DIPK2B: variants seen among roughly 807,000 people sequenced by gnomAD.
The protein encoded by DIPK2B is UPF0672 protein CXorf36.
A neutral mutation model predicts 22.2 loss-of-function variants in DIPK2B; 15 were observed. The ratio of observed to expected loss-of-function variants is 0.68; its 90% CI spans 0.45 to 1.04. DIPK2B has a LOEUF of 1.04. DIPK2B is among the 50% of genes least tolerant of loss of function. The pLI is 0.00. For missense variants in DIPK2B, 345 were observed against 348.3 expected (o/e 0.99, Z 0.08); for synonymous variants, 163 against 153.2 (o/e 1.06, Z -0.47).
At chrX:45,163,771 C>T in intron 2 of DIPK2B, 2 of 762,905 alleles carry the variant, frequency 2.6e-6, no homozygotes, top group South Asian at 1.3e-4. Context: ...CAGACCAGAC[C>T]AAAATTTAGA....
chrX:45,198,341 T>C (rs1326279635), intron 1 of DIPK2B, among the ~76,000 whole-genome samples: 1 of 111,664 alleles, frequency 9.0e-6, no homozygotes, highest in Non-Finnish European at 1.9e-5. Context: ...ATTTATATTG[T>C]AGAGAAAAGG....
In DIPK2B at chrX:45,149,322, G is replaced by C. The variant is rs1479807365; in HGVS notation, c.*2330C>G. The stretch of plus-strand genomic sequence containing the variant: ...GTGGCCAGCTGGGAGGACAGCTGCA[G>C]TCAGGCCAGCAGGAGAGGGACTGTG... On this transcript the variant is annotated 3_prime_UTR_variant, in exon 5 of 5. Coordinates refer to ENST00000398000, the MANE Select transcript of DIPK2B (RefSeq NM_176819.4). The C allele has an allele frequency of 8.9e-6, 1 of 112,693 alleles. No individual in the cohort carries two copies. The highest frequency in any genetic ancestry group is 9.4e-5 in the Admixed American group (1 of 10,614). 9.3% of individuals were successfully genotyped at this position (112,693 alleles called of 1,213,427 possible).
At chrX:45,183,636 T>C (rs891034061) in intron 2 of DIPK2B, among the ~76,000 whole-genome samples, 2 of 111,868 alleles carry the variant, frequency 1.8e-5, no homozygotes, top group African/African-American at 6.5e-5. Context: ...ACAACTTTTT[T>C]TTCTTTGACC....
At position 45,157,895 on chromosome X, in the gene DIPK2B, G is replaced by A. The variant is rs1386402973; in HGVS notation, c.499-7C>T. On this transcript the variant is annotated splice_polypyrimidine_tract_variant and splice_region_variant and intron_variant, in intron 2 of 4. Transcript: ENST00000398000. ...GGAGCGGGCTGGCCAGGCCCTACGC[G>A]CAGGTGGGAGAGAGGCGGGAGAAGA... 7 of 1,128,890 alleles carry A rather than the reference G, an allele frequency of 6.2e-6. No individual in the cohort carries two copies. In the Admixed American group the frequency reaches 8.1e-5, roughly 13 times the overall value. The allele number at this position is 1,128,890 out of a possible 1,213,427, so 93.0% of individuals were successfully genotyped here. A position where few individuals can be genotyped will look rare whatever the true frequency, so the allele number is the denominator to read the frequency against.
At chrX:45,168,589 C>T (rs2047061736) in intron 2 of DIPK2B, among the ~76,000 whole-genome samples, 1 of 112,232 alleles carries the variant, frequency 8.9e-6, no homozygotes, top group South Asian at 3.7e-4. Context: ...CTGGGTTGAG[C>T]CCTGATGGAA....
intron 2 of DIPK2B, among the ~76,000 whole-genome samples, chrX:45,187,468 G>GCGCACACACA (rs1556403888): frequency 1.1e-3 from 107 of 98,488 alleles, no homozygotes; most frequent in Non-Finnish European, 1.9e-3. Flanking sequence ...GCGCGCGCGC[G>GCGCACACACA]CACACACACA....
intron 2 of DIPK2B, among the ~76,000 whole-genome samples, chrX:45,179,685 A>G (rs915213845): frequency 9.0e-6 from 1 of 111,625 alleles, no homozygotes; most frequent in Non-Finnish European, 1.9e-5. Flanking sequence ...GTGAGCTAAA[A>G]CAAGGCAAAA....
At position 45,200,646 on chromosome X, in the gene DIPK2B, T is replaced by C. The variant is rs1345988497; in HGVS notation, c.181A>G (p.Asn61Asp). 1 of 1,212,505 alleles carries C rather than the reference T, an allele frequency of 8.2e-7. No homozygotes were observed. The highest frequency in any genetic ancestry group is 3.0e-5 in the East Asian group (1 of 33,875). ...GRTFLGLDKC[N>D]ACIGTSICKK... Reference sequence around the variant, plus strand: ...CAAATAGATGTCCCGATGCAGGCATTGCATTTATCAAGACCGAGGAAAGTC... The same window carrying C: ...CAAATAGATGTCCCGATGCAGGCATCGCATTTATCAAGACCGAGGAAAGTC... Residue 61 changes from asparagine to aspartate, a missense_variant, in exon 1 of 5, where the codon AAT (asparagine) becomes GAT (aspartate). Asn to Asp is a conservative substitution (Grantham distance 23). Coordinates refer to ENST00000398000, the MANE Select transcript of DIPK2B (RefSeq NM_176819.4).
chrX:45,200,630 G>A lies in DIPK2B; in HGVS notation c.197C>T (p.Thr66Ile), dbSNP rs185159230. ...GLDKCNACIG[T>I]SICKKFFKEE... Reference sequence around the variant, plus strand: ...TTTAAAGAACTTCTTGCAAATAGATGTCCCGATGCAGGCATTGCATTTATC... The same window carrying A: ...TTTAAAGAACTTCTTGCAAATAGATATCCCGATGCAGGCATTGCATTTATC... Residue 66 changes from threonine (T) to isoleucine (I), a missense_variant, in exon 1 of 5, where the codon ACA becomes ATA. Coordinates refer to ENST00000398000, the MANE Select transcript of DIPK2B (RefSeq NM_176819.4). 2.5e-5 allele frequency: 30 copies of A among 1,210,988 alleles called. No homozygotes were observed. The East Asian group carries it at 8.9e-4, about 36-fold the overall frequency.
At chrX:45,174,801 G>C (rs1455602003) in intron 2 of DIPK2B, among the ~76,000 whole-genome samples, 1 of 111,449 alleles carries the variant, frequency 9.0e-6, no homozygotes, top group African/African-American at 3.3e-5. Context: ...GCATAATGTT[G>C]TAGGCAAAGA....
At chrX:45,198,471 C>T (rs1207189717) in intron 1 of DIPK2B, among the ~76,000 whole-genome samples, 1 of 111,125 alleles carries the variant, frequency 9.0e-6, no homozygotes, top group Non-Finnish European at 1.9e-5. Flanking sequence ...CTGGTGTTTT[C>T]CTGCTTGTAT....
intron 2 of DIPK2B, among the ~76,000 whole-genome samples, chrX:45,164,617 G>T (rs748716908): frequency 4.5e-5 from 5 of 111,935 alleles, no homozygotes; most frequent in South Asian, 3.8e-4. Context: ...CCTGTTGGGG[G>T]TTGGGAGGCT....
intron 2 of DIPK2B, chrX:45,183,540 A>G (rs903592380): frequency 3.6e-5 from 4 of 112,487 alleles, no homozygotes; most frequent in African/African-American, 1.3e-4. Flanking sequence ...CAGGTTATTC[A>G]TAGGATAATT....
chrX:45,153,610 C>T (rs2046973543), intron 4 of DIPK2B, among the ~76,000 whole-genome samples: 2 of 108,123 alleles, frequency 1.8e-5, no homozygotes, highest in African/African-American at 3.4e-5. Flanking sequence ...GCCACATAGA[C>T]CCAATTGCAC....
chrX:45,153,594 C>G (rs2046973401), intron 4 of DIPK2B, among the ~76,000 whole-genome samples: 1 of 106,202 alleles, frequency 9.4e-6, no homozygotes, highest in African/African-American at 3.5e-5. Flanking sequence ...CAAGGCAGGT[C>G]CCTGGGCCAC....
intron 2 of DIPK2B, among the ~76,000 whole-genome samples, chrX:45,184,947 T>C (rs1156622216): frequency 8.9e-6 from 1 of 112,226 alleles, no homozygotes; most frequent in Admixed American, 9.5e-5. Context: ...TTTCCTATTA[T>C]AGTTAATGTC....
At chrX:45,192,411 G>C (rs4824530) in intron 1 of DIPK2B, among the ~76,000 whole-genome samples, 34,713 of 109,765 alleles carry the variant, frequency 0.32, 4,510 homozygotes, top group East Asian at 0.76. Context: ...CTTGGCCAAG[G>C]TCAGACAATA....
chrX:45,155,642 C>G (rs2046989531), intron 3 of DIPK2B, among the ~76,000 whole-genome samples: 1 of 108,780 alleles, frequency 9.2e-6, no homozygotes, highest in African/African-American at 3.4e-5. Context: ...CTAACTGGAA[C>G]CTTCCAGACA....
At chrX:45,166,622 A>C (rs1484107096) in intron 2 of DIPK2B, among the ~76,000 whole-genome samples, 1 of 111,788 alleles carries the variant, frequency 8.9e-6, no homozygotes, top group Non-Finnish European at 1.9e-5. Flanking sequence ...TAATTGTCCA[A>C]CTTGCTTCTG....
Sources: gnomAD v4.1 joint callset for allele counts (sites outside exome capture counted in the v4.1 genomes callset) on GRCh38, gnomAD v4.1.1 for gene constraint, MANE v1.5 for transcripts, NCBI Gene and HGNC (gene_info 2026-07-23, HGNC 2026-07-21) for gene names.